Variants in RIC3 observed in about 807,000 individuals in gnomAD.
RIC3 encodes protein RIC-3.
RIC3 carries 28 observed loss-of-function variants against 27.3 expected under a neutral mutation model. The observed-to-expected ratio is 1.02, with a 90% CI of 0.76 to 1.41. RIC3 has a LOEUF of 1.41. RIC3 is among the 40% of genes most tolerant of loss of function. The pLI is 0.00. For missense variants in RIC3, 501 were observed against 444.7 expected (o/e 1.13, Z -1.14); for synonymous variants, 184 against 160.4 (o/e 1.15, Z -1.11).
At chr11:8,159,125 G>A (rs374855629) in intron 1 of RIC3, among the ~76,000 whole-genome samples, 6 of 151,262 alleles carry the variant, frequency 4.0e-5, no homozygotes, top group South Asian at 2.1e-4. Flanking sequence ...GGGTAGGACC[G>A]TGTTGGAAGT....
At chr11:8,103,149 G>A (rs1004857089), downstream of RIC3, 1 of 152,284 alleles carries the variant, frequency 6.6e-6, no homozygotes, top group Non-Finnish European at 1.5e-5. Flanking sequence ...CTCGGTCTAG[G>A]TGGGAGAGAG....
At chr11:8,124,012 A>T (rs1318614584) in intron 5 of RIC3, among the ~76,000 whole-genome samples, 1 of 151,234 alleles carries the variant, frequency 6.6e-6, no homozygotes, top group South Asian at 2.1e-4. Context: ...TCAAACAGTG[A>T]GCCATGATCA....
intron 1 of RIC3, among the ~76,000 whole-genome samples, chr11:8,163,634 A>T (rs978238777): frequency 6.6e-6 from 1 of 152,172 alleles, no homozygotes; most frequent in Non-Finnish European, 1.5e-5. Context: ...AATACTTATG[A>T]ATATATTTAA....
intron 4 of RIC3, among the ~76,000 whole-genome samples, chr11:8,132,106 C>T (rs559123669): frequency 6.6e-6 from 1 of 152,012 alleles, no homozygotes; most frequent in African/African-American, 2.4e-5. Context: ...GAGGTTGCAC[C>T]CTCCCTGCTT....
intron 1 of RIC3, among the ~76,000 whole-genome samples, chr11:8,165,907 T>C (rs1160832789): frequency 7.7e-6 from 1 of 130,410 alleles, no homozygotes. Context: ...GCCTACAGAG[T>C]AGCTGGGGCT....
downstream of RIC3, chr11:8,101,746 C>A: frequency 6.9e-7 from 1 of 1,441,304 alleles, no homozygotes; most frequent in Non-Finnish European, 9.1e-7. Flanking sequence ...CCTCAGTGGG[C>A]TCCCTGGCCC....
chr11:8,167,985 T>C (rs1394667653), intron 1 of RIC3, among the ~76,000 whole-genome samples: 2 of 152,200 alleles, frequency 1.3e-5, no homozygotes, highest in East Asian at 1.9e-4. Flanking sequence ...CAGACGGAAG[T>C]GGATTACAGT....
chr11:8,114,877 A>G (rs1324395409), intron 5 of RIC3, among the ~76,000 whole-genome samples: 2 of 152,204 alleles, frequency 1.3e-5, no homozygotes, highest in Non-Finnish European at 2.9e-5. Flanking sequence ...GAACTGATTG[A>G]GCAAAAGAAT....
chr11:8,100,578 A>T, the RIC3 span: 1 of 1,614,092 alleles, frequency 6.2e-7, no homozygotes, highest in Non-Finnish European at 8.5e-7. Flanking sequence ...GGTTCATGAG[A>T]GAGTCTCTAT....
At chr11:8,159,307 G>A (rs1324641569) in intron 1 of RIC3, among the ~76,000 whole-genome samples, 1 of 152,220 alleles carries the variant, frequency 6.6e-6, no homozygotes, top group Non-Finnish European at 1.5e-5. Context: ...TCAAGGAACA[G>A]TGAGGAGGAA....
At chr11:8,126,955 C>A in intron 4 of RIC3, 148 bp from the exon 5 acceptor site, 1 of 883,630 alleles carries the variant, frequency 1.1e-6, no homozygotes, top group Non-Finnish European at 1.8e-6. Context: ...AACTGCATAG[C>A]TGGGAACTAG....
chr11:8,144,292 C>T (rs1256520691), intron 1 of RIC3, among the ~76,000 whole-genome samples: 2 of 150,282 alleles, frequency 1.3e-5, no homozygotes, highest in Non-Finnish European at 3.0e-5. Flanking sequence ...TGACAAAGGG[C>T]TAATATCCAG....
chr11:8,165,805 G>A lies in RIC3; in HGVS notation c.124+3061C>T, dbSNP rs184221699. 1.9e-3 allele frequency among the ~76,000 whole-genome samples: 264 copies of A among 140,352 alleles called. 1 individual carries two copies. The highest frequency in any genetic ancestry group is 3.1e-3 in the Non-Finnish European group (206 of 66,306). 92.1% of individuals were successfully genotyped at this position (140,352 alleles called of 152,430 possible). ...TTGTTTTGTTTTTTTTTTTGGCAGAGTCTCACTGTGTTGCCCAGGCTGCAG... is the reference window on the plus strand; with the variant it reads ...TTGTTTTGTTTTTTTTTTTGGCAGAATCTCACTGTGTTGCCCAGGCTGCAG... On this transcript the variant is annotated intron_variant, in intron 1 of 5. Transcript: ENST00000309737.
Position 8,133,608 on chromosome 11 carries a change from A to G in RIC3, c.521+3770T>C, listed in dbSNP as rs1528127. ...GCAGGCTTCAATCAATATGTTCCCA[A>G]GAAGTCCACAACTCAGCATCTTATA... is the stretch of plus-strand genomic sequence containing the variant. On this transcript the variant is annotated intron_variant, in intron 4 of 5. Transcript: ENST00000309737. Among the ~76,000 whole-genome samples, 1,184 of 152,334 alleles carry G rather than the reference A, an allele frequency of 7.8e-3. 11 individuals are homozygous for G. The highest frequency in any genetic ancestry group is 0.027 in the African/African-American group (1,134 of 41,574).
chr11:8,146,058 GT>G (rs1470766775), intron 1 of RIC3, among the ~76,000 whole-genome samples: 3 of 152,132 alleles, frequency 2.0e-5, no homozygotes. Flanking sequence ...CTCAAATAAG[GT>G]TATATATATG....
chr11:8,141,906 C>T (rs1218268830), intron 1 of RIC3, among the ~76,000 whole-genome samples: 1 of 151,946 alleles, frequency 6.6e-6, no homozygotes, highest in Non-Finnish European at 1.5e-5. Context: ...GGAAACTGAA[C>T]AACCTGCTCC....
chr11:8,104,451 T>C (rs1403643351), downstream of RIC3: 5 of 152,256 alleles, frequency 3.3e-5, no homozygotes, highest in Non-Finnish European at 7.3e-5. Context: ...TGCGTCTGTG[T>C]GTTTATTTGG....
rs753470358 is a variant in RIC3, at chr11:8,137,408, A to C, written c.491T>G (p.Leu164Ter). The part of the protein sequence containing the change: ...LKETEAAMEK[L>*]INRVGPNGES... The stretch of plus-strand genomic sequence containing the variant: ...ACCATTAGGTCCCACTCTGTTGATT[A>C]ATTTTTCCATGGCTGCTTCTGTCTC... Residue 164 changes from leucine to a stop codon, truncating the protein, a stop_gained, in exon 4 of 6, where the codon TTA (leucine) becomes TGA (stop). Coordinates refer to ENST00000309737, the MANE Select transcript of RIC3 (RefSeq NM_001206671.4). LOFTEE classifies it high-confidence loss of function. 6.2e-7 allele frequency: 1 copy of C among 1,614,080 alleles called. No homozygotes were observed. Among genetic ancestry groups the C allele is most frequent in the Non-Finnish European group, 8.5e-7 (1 of 1,180,010 alleles).
intron 4 of RIC3, among the ~76,000 whole-genome samples, chr11:8,127,367 G>C (rs1445489525): frequency 6.6e-6 from 1 of 152,152 alleles, no homozygotes; most frequent in Non-Finnish European, 1.5e-5. Context: ...GAGAAATTGA[G>C]GAAACTGGGG....
Sources: gnomAD v4.1 joint callset for allele counts (sites outside exome capture counted in the v4.1 genomes callset) on GRCh38, gnomAD v4.1.1 for gene constraint, MANE v1.5 for transcripts, NCBI Gene and HGNC (gene_info 2026-07-23, HGNC 2026-07-21) for gene names.